The following FRYL variants were observed in gnomAD, a reference collection of about 807,000 sequenced individuals.
The protein encoded by FRYL is FRY like transcription coactivator.
A neutral mutation model predicts 351.2 loss-of-function variants in FRYL; 150 were observed. The ratio of observed to expected loss-of-function variants is 0.43; its 90% CI spans 0.37 to 0.49. The LOEUF is 0.49. Ranked by LOEUF, FRYL falls within the 20% of genes least tolerant of loss-of-function variation. The pLI, the probability that FRYL is intolerant of heterozygous loss-of-function variation, is 0.00. For synonymous variants in FRYL, 1,153 were observed against 1,257.1 expected, an observed-to-expected ratio of 0.92 and a Z score of 1.75; for missense variants, 3,036 against 3,619.3, an observed-to-expected ratio of 0.84 and a Z score of 4.13.
rs193278315 is a variant in FRYL at position 48,645,041 on chromosome 4, T to C, written c.-80-10551A>G. ...ATAAGCAATTCAACATAACAGCAAG[T>C]CTAAAAAGCCAACAGGCATATGAAA... On this transcript the variant is annotated intron_variant, in intron 3 of 63. Coordinates refer to ENST00000358350, the MANE Select transcript of FRYL (RefSeq NM_015030.2). 9.5e-5 allele frequency among the ~76,000 whole-genome samples: 14 copies of C among 146,820 alleles called. No individual in the cohort carries two copies. In the East Asian group the frequency reaches 2.8e-3, roughly 30 times the overall value.
chr4:48,503,628 C>T (rs1720234365), intron 60 of FRYL, among the ~76,000 whole-genome samples: 1 of 152,204 alleles, frequency 6.6e-6, no homozygotes, highest in Non-Finnish European at 1.5e-5. Context: ...AATTGTTACA[C>T]CGTAAATGTA....
In FRYL at chr4:48,501,673, C is replaced by A. The variant is rs1719691983; in HGVS notation, c.8542G>T (p.Ala2848Ser). The change falls in exon 62 of 64, where the codon GCC (alanine) becomes TCC (serine). Residue 2848 changes from alanine to serine, a missense_variant. Physicochemically the swap from Ala to Ser is moderately conservative, Grantham distance 99. Around this residue, in one of 7 missense-constraint regions of FRYL, gnomAD observed 1,987 missense variants for 2,311.7 expected, o/e 0.86. Transcript: ENST00000358350. ...ACTTGGTTGATAAGTTTACAGTAGG[C>A]CTGGAACAGAAGCAGCAATTGAAAA... ...LHFQLLLLFQAYCKLINQVNT... is the reference protein window; with the variant it reads ...LHFQLLLLFQSYCKLINQVNT... The A allele has an allele frequency of 6.2e-7, 1 of 1,610,858 alleles. No homozygotes were observed. The highest frequency in any genetic ancestry group is 1.3e-5 in the African/African-American group (1 of 74,820).
At chr4:48,607,349 C>CA (rs919456672) in intron 9 of FRYL, among the ~76,000 whole-genome samples, 14 of 150,156 alleles carry the variant, frequency 9.3e-5, no homozygotes, top group African/African-American at 2.2e-4. Context: ...GTGAGAAGAA[C>CA]AAAAAAAAAT....
At position 48,499,641 on chromosome 4, in the gene FRYL, A is replaced by C. The variant is rs755563403; in HGVS notation, c.8823T>G (p.Asp2941Glu). The change falls in exon 64 of 64, where the codon GAT (aspartate) becomes GAG (glutamate). Residue 2941 changes from aspartate (D) to glutamate (E), a missense_variant. Asp to Glu is a conservative substitution (Grantham distance 45, BLOSUM62 2). Transcript: ENST00000358350. Reference sequence around the variant, plus strand: ...TATGTAACAGTGTCTGTACAGGGTCATCTTCACAACTGCCAAAGATATCAC... The same window carrying C: ...TATGTAACAGTGTCTGTACAGGGTCCTCTTCACAACTGCCAAAGATATCAC... The part of the protein sequence containing the change: ...WPSDIFGSCE[D>E]DPVQTLLHIY... 3.7e-6 allele frequency: 6 copies of C among 1,614,106 alleles called. No homozygotes were observed. The highest frequency in any genetic ancestry group is 4.2e-6 in the Non-Finnish European group (5 of 1,179,924).
intron 50 of FRYL, among the ~76,000 whole-genome samples, chr4:48,530,587 C>A (rs775553046): frequency 6.6e-6 from 1 of 152,112 alleles, no homozygotes; most frequent in Non-Finnish European, 1.5e-5. Context: ...CCTTCCTATG[C>A]CTTCAGCCTC....
At chr4:48,537,855 T>C (rs1226948218) in intron 47 of FRYL, among the ~76,000 whole-genome samples, 7 of 152,198 alleles carry the variant, frequency 4.6e-5, no homozygotes, top group Non-Finnish European at 8.8e-5. Context: ...TTCAACACAT[T>C]TCAGCTGCCA....
chr4:48,770,040 A>G (rs144918286), intron 1 of FRYL, among the ~76,000 whole-genome samples: 80 of 152,354 alleles, frequency 5.3e-4, no homozygotes, highest in African/African-American at 1.8e-3. Context: ...AAAGGCATAT[A>G]CAAGAATTTT....
intron 1 of FRYL, among the ~76,000 whole-genome samples, chr4:48,729,417 C>A (rs1306833097): frequency 6.6e-6 from 1 of 152,212 alleles, no homozygotes; most frequent in Non-Finnish European, 1.5e-5. Context: ...GCTCTGATAA[C>A]GGACAGACTG....
At chr4:48,601,689 G>A (rs1490774635) in intron 13 of FRYL, among the ~76,000 whole-genome samples, 1 of 152,088 alleles carries the variant, frequency 6.6e-6, no homozygotes, top group Non-Finnish European at 1.5e-5. Context: ...GACAAAATAA[G>A]TATCTAGAAG....
Position 48,528,033 on chromosome 4 carries a change from C to T in FRYL, c.7078G>A (p.Glu2360Lys). The T allele has an allele frequency of 6.3e-7, 1 of 1,577,640 alleles. No homozygotes were observed. Residue 2360 changes from glutamate to lysine, a missense_variant, in exon 52 of 64, where the codon GAA (glutamate) becomes AAA (lysine). Glu to Lys is a moderately conservative substitution (Grantham distance 56, BLOSUM62 1). Coordinates refer to ENST00000358350, the MANE Select transcript of FRYL (RefSeq NM_015030.2). Reference sequence around the variant, plus strand: ...AGAGAAAGCACATTCATTAGCTTTTCTCTTGTTCTTCGCTAAAGGAAAAAA... The same window carrying T: ...AGAGAAAGCACATTCATTAGCTTTTTTCTTGTTCTTCGCTAAAGGAAAAAA... ...RPQLSQRRTR[E>K]KLMNVLSLCG...
At chr4:48,514,639 A>C (rs1723176666) in intron 56 of FRYL, among the ~76,000 whole-genome samples, 1 of 152,238 alleles carries the variant, frequency 6.6e-6, no homozygotes, top group South Asian at 2.1e-4. Flanking sequence ...CTGTAAAAAC[A>C]ATTTTTTGGA....
intron 3 of FRYL, among the ~76,000 whole-genome samples, chr4:48,634,820 C>A (rs1753913149): frequency 6.6e-6 from 1 of 151,984 alleles, no homozygotes; most frequent in South Asian, 2.1e-4. Flanking sequence ...ACAGTATTTG[C>A]TGAATGAATG....
Position 48,497,481 on chromosome 4 carries a change from G to A in FRYL, c.*1941C>T, listed in dbSNP as rs927017818. 2.6e-5 allele frequency: 4 copies of A among 152,538 alleles called. No individual in the cohort carries two copies. The highest frequency in any genetic ancestry group is 9.7e-5 in the African/African-American group (4 of 41,412). 9.4% of individuals were successfully genotyped at this position (152,538 alleles called of 1,614,324 possible). A position where few individuals can be genotyped will look rare whatever the true frequency, so the allele number is the denominator to read the frequency against. ...AGTCAACTAATTTTGTTCTTTTCTAGGGCAATTCAAGAAGGTAACATTTGA... is the reference window on the plus strand; with the variant it reads ...AGTCAACTAATTTTGTTCTTTTCTAAGGCAATTCAAGAAGGTAACATTTGA... On this transcript the variant is annotated 3_prime_UTR_variant, in exon 64 of 64. Coordinates refer to ENST00000358350, the MANE Select transcript of FRYL (RefSeq NM_015030.2).
intron 2 of FRYL, among the ~76,000 whole-genome samples, chr4:48,706,208 A>G (rs1767325192): frequency 6.6e-6 from 1 of 152,234 alleles, no homozygotes; most frequent in Admixed American, 6.5e-5. Flanking sequence ...CCTTGTTCCT[A>G]GCATCATTAT....
Position 48,548,774 on chromosome 4 carries a change from G to A in FRYL, c.4804C>T (p.Leu1602Phe), listed in dbSNP as rs1732007933. Residue 1602 changes from leucine (L) to phenylalanine (F), a missense_variant, in exon 40 of 64, where the codon CTT becomes TTT. Around this residue, in one of 7 missense-constraint regions of FRYL, gnomAD observed 1,987 missense variants for 2,311.7 expected, o/e 0.86. Coordinates refer to ENST00000358350, the MANE Select transcript of FRYL (RefSeq NM_015030.2). ...PLHRCNIAVI[L>F]LTDLIIDHSV... ...TGATCAATGATGAGATCAGTCAAAA[G>A]GATCACTGCTATGTTACACCTATGA... 6.2e-7 allele frequency: 1 copy of A among 1,606,740 alleles called. No individual in the cohort carries two copies.
chr4:48,698,764 C>G (rs1560875788), intron 2 of FRYL, among the ~76,000 whole-genome samples: 1 of 152,118 alleles, frequency 6.6e-6, no homozygotes, highest in Non-Finnish European at 1.5e-5. Flanking sequence ...TCCTGTAACT[C>G]TGAAAAAACA....
chr4:48,580,758 T>C (rs1740707248), intron 22 of FRYL, 107 bp downstream of exon 22: 1 of 681,692 alleles, frequency 1.5e-6, no homozygotes, highest in Admixed American at 2.8e-5. Flanking sequence ...TCTAACTCAT[T>C]ACATTTGTTA....
intron 5 of FRYL, 121 bp from the exon 6 acceptor site, chr4:48,620,899 T>C: frequency 1.1e-6 from 1 of 882,714 alleles, no homozygotes; most frequent in Non-Finnish European, 1.7e-6. Context: ...TAAATGTGCT[T>C]TAAAATTAAA....
intron 1 of FRYL, among the ~76,000 whole-genome samples, chr4:48,749,378 T>C (rs1178653438): frequency 6.6e-6 from 1 of 152,214 alleles, no homozygotes; most frequent in Non-Finnish European, 1.5e-5. Context: ...AGGCAGAATG[T>C]CAGCTATGTT....
Sources: gnomAD v4.1 joint callset for allele counts (sites outside exome capture counted in the v4.1 genomes callset) on GRCh38, gnomAD v4.1.1 for gene constraint, gnomAD v4.1.1 regional missense constraint, MANE v1.5 for transcripts, NCBI Gene and HGNC (gene_info 2026-07-23, HGNC 2026-07-21) for gene names.